CNTN4: variants seen among roughly 807,000 people sequenced by gnomAD.
The protein encoded by CNTN4 is contactin 4.
In CNTN4, 77 loss-of-function variants were observed where a neutral mutation model predicts 122.5. That is an observed-to-expected ratio of 0.63 (90% CI 0.52 to 0.76). The LOEUF is 0.76. Among genes scored for constraint, CNTN4 ranks in the 30% least tolerant of loss-of-function variants. The pLI, the probability that CNTN4 is intolerant of heterozygous loss-of-function variation, is 0.00. For missense variants in CNTN4, 1,256 were observed against 1,259.1 expected (o/e 1.00, Z 0.04); for synonymous variants, 512 against 447.0 (o/e 1.15, Z -1.83).
chr3:2,311,528 G>T (rs971306190), intron 2 of CNTN4, among the ~76,000 whole-genome samples: 2 of 152,076 alleles, frequency 1.3e-5, no homozygotes, highest in Non-Finnish European at 2.9e-5. Flanking sequence ...TGAAGTAAAA[G>T]TAGTATAAAG....
chr3:2,906,855 AAAAAGAAAAAGAG>A (rs1234788134), intron 12 of CNTN4, among the ~76,000 whole-genome samples: 4 of 151,920 alleles, frequency 2.6e-5, no homozygotes, highest in African/African-American at 9.6e-5. Context: ...AAAAAAAAAA[AAAAAGAAAAAGAG>A]AAAAGAAAAA....
chr3:2,374,091 G>A (rs1450796209), intron 3 of CNTN4, among the ~76,000 whole-genome samples: 1 of 152,170 alleles, frequency 6.6e-6, no homozygotes, highest in African/African-American at 2.4e-5. Flanking sequence ...AACCCCTAAA[G>A]AAGATGGTTC....
rs190030692 is a variant in CNTN4, at chr3:3,053,525, T to C, written c.2812-282T>C. 5.3e-5 allele frequency among the ~76,000 whole-genome samples: 8 copies of C among 152,328 alleles called. No individual in the cohort carries two copies. In the East Asian group the frequency reaches 1.5e-3, roughly 29 times the overall value. On this transcript the variant is annotated intron_variant, in intron 23 of 24. Coordinates refer to ENST00000418658, the MANE Select transcript of CNTN4 (RefSeq NM_175607.3). Reference sequence around the variant, plus strand: ...TTAAGGAGCTACTCATATTTTCCACTTTCCCAAGAGTGTCAACTGAGCCTC... The same window carrying C: ...TTAAGGAGCTACTCATATTTTCCACCTTCCCAAGAGTGTCAACTGAGCCTC...
At chr3:2,731,785 T>C (rs1469611770) in intron 4 of CNTN4, among the ~76,000 whole-genome samples, 1 of 152,238 alleles carries the variant, frequency 6.6e-6, no homozygotes, top group African/African-American at 2.4e-5. Flanking sequence ...TCATTACTTA[T>C]AAATAAATGG....
chr3:2,485,695 G>A (rs1457979210), intron 3 of CNTN4, among the ~76,000 whole-genome samples: 1 of 152,158 alleles, frequency 6.6e-6, no homozygotes, highest in Non-Finnish European at 1.5e-5. Context: ...TCTAGCTCAA[G>A]GTTTGTAAAC....
chr3:3,016,654 C>A lies in CNTN4; in HGVS notation c.1487-9448C>A, dbSNP rs554352257. ...ATTCGAGCATCATTAGAACCGTCTT[C>A]ATAATTAAATAGGTGCTTTATGCTA... On this transcript the variant is annotated intron_variant, in intron 14 of 24. Coordinates refer to ENST00000418658, the MANE Select transcript of CNTN4 (RefSeq NM_175607.3). 3.1e-4 allele frequency among the ~76,000 whole-genome samples: 47 copies of A among 152,290 alleles called. No homozygotes were observed. The South Asian group carries it at 9.1e-3, about 30-fold the overall frequency.
intron 4 of CNTN4, among the ~76,000 whole-genome samples, chr3:2,680,507 G>C (rs2085107462): frequency 6.6e-6 from 1 of 152,176 alleles, no homozygotes; most frequent in Non-Finnish European, 1.5e-5. Flanking sequence ...AAACACGTTA[G>C]AAGACTCACT....
At chr3:2,554,668 C>T (rs937942231) in intron 3 of CNTN4, among the ~76,000 whole-genome samples, 2 of 152,098 alleles carry the variant, frequency 1.3e-5, no homozygotes, top group Non-Finnish European at 2.9e-5. Context: ...GCTATAGTAT[C>T]ACAAAAGCAG....
intron 14 of CNTN4, among the ~76,000 whole-genome samples, chr3:2,995,927 G>T (rs1695492527): frequency 6.6e-6 from 1 of 152,136 alleles, no homozygotes. Flanking sequence ...TTGCAAAGGT[G>T]TTCCTTGTGT....
chr3:2,331,320 G>A (rs2043712336), intron 2 of CNTN4, among the ~76,000 whole-genome samples: 1 of 152,090 alleles, frequency 6.6e-6, no homozygotes, highest in African/African-American at 2.4e-5. Context: ...GTAGAAGTAG[G>A]CCCTTAGTGA....
intron 4 of CNTN4, among the ~76,000 whole-genome samples, chr3:2,721,446 G>A (rs554998265): frequency 6.6e-6 from 1 of 152,210 alleles, no homozygotes; most frequent in African/African-American, 2.4e-5. Context: ...TGTGGGTTGG[G>A]GAACTCTGCC....
At chr3:2,365,318 AG>A (rs1239139823) in intron 3 of CNTN4, among the ~76,000 whole-genome samples, 1 of 152,196 alleles carries the variant, frequency 6.6e-6, no homozygotes, top group Non-Finnish European at 1.5e-5. Flanking sequence ...GGCAAAAGTC[AG>A]CCCCATTCTC....
At chr3:2,858,199 G>A (rs910282399) in intron 7 of CNTN4, among the ~76,000 whole-genome samples, 1 of 152,160 alleles carries the variant, frequency 6.6e-6, no homozygotes, top group Non-Finnish European at 1.5e-5. Context: ...GTGGTCTTCA[G>A]GCCGACAGCA....
At chr3:2,970,812 G>A (rs1441099684) in intron 13 of CNTN4, among the ~76,000 whole-genome samples, 2 of 151,034 alleles carry the variant, frequency 1.3e-5, no homozygotes, top group Admixed American at 6.6e-5. Context: ...TTTTGAGACC[G>A]ATTCTCACTC....
intron 3 of CNTN4, among the ~76,000 whole-genome samples, chr3:2,465,483 C>T (rs2075463618): frequency 1.3e-5 from 2 of 152,154 alleles, no homozygotes; most frequent in African/African-American, 2.4e-5. Flanking sequence ...TCGTGACCAG[C>T]CTGGGCAACA....
chr3:2,470,431 G>A (rs1046445455), intron 3 of CNTN4, among the ~76,000 whole-genome samples: 5 of 152,080 alleles, frequency 3.3e-5, no homozygotes, highest in African/African-American at 1.2e-4. Context: ...TCTCAACAGT[G>A]TAATTTTTCT....
At chr3:2,603,948 C>A (rs2081152671) in intron 4 of CNTN4, among the ~76,000 whole-genome samples, 1 of 152,172 alleles carries the variant, frequency 6.6e-6, no homozygotes, top group Non-Finnish European at 1.5e-5. Context: ...GGCAGAGGGC[C>A]TCTGCCCACG....
intron 3 of CNTN4, among the ~76,000 whole-genome samples, chr3:2,388,760 G>A (rs911017586): frequency 1.3e-5 from 2 of 150,254 alleles, no homozygotes; most frequent in South Asian, 2.1e-4. Context: ...CAGGAGAATC[G>A]CTTCAACCTG....
chr3:2,610,795 G>T (rs2081448753), intron 4 of CNTN4, among the ~76,000 whole-genome samples: 1 of 152,094 alleles, frequency 6.6e-6, no homozygotes, highest in African/African-American at 2.4e-5. Flanking sequence ...AGTATTTTCA[G>T]AGTGTATTGT....
Sources: allele counts gnomAD v4.1 joint callset (sites outside exome capture counted in the v4.1 genomes callset), GRCh38; gene constraint gnomAD v4.1.1; transcripts MANE v1.5; gene names NCBI Gene and HGNC (gene_info 2026-07-23, HGNC 2026-07-21).